Variants in CPQ observed in about 807,000 individuals in gnomAD.
CPQ encodes Ser-Met dipeptidase.
A neutral mutation model predicts 45.7 loss-of-function variants in CPQ; 37 were observed. The ratio of observed to expected loss-of-function variants is 0.81; its 90% CI spans 0.62 to 1.07. The LOEUF is 1.07. CPQ is among the 50% of genes least tolerant of loss of function. CPQ has a pLI of 0.00. For synonymous variants in CPQ, 186 were observed against 205.8 expected, an observed-to-expected ratio of 0.90 and a Z score of 0.82; for missense variants, 537 against 572.9, an observed-to-expected ratio of 0.94 and a Z score of 0.64.
intron 5 of CPQ, among the ~76,000 whole-genome samples, chr8:96,970,105 C>T (rs1300747284): frequency 6.6e-6 from 1 of 152,162 alleles, no homozygotes; most frequent in African/African-American, 2.4e-5. Flanking sequence ...AGGTTTTCTT[C>T]CCTAAGGCTC....
intron 5 of CPQ, among the ~76,000 whole-genome samples, chr8:96,970,734 T>A (rs1189833777): frequency 6.6e-6 from 1 of 152,104 alleles, no homozygotes; most frequent in African/African-American, 2.4e-5. Context: ...CGGCTAATTT[T>A]TTGTATTTTT....
rs36087951 is a variant in CPQ, at chr8:97,031,188, C to CTTT, written c.1053+1708_1053+1710dup. Among the ~76,000 whole-genome samples the CTTT allele has an allele frequency of 6.8e-4, 89 of 130,644 alleles. 1 individual carries two copies. Among genetic ancestry groups the CTTT allele is most frequent in the African/African-American group, 2.2e-3 (76 of 34,194 alleles). 85.7% of individuals were successfully genotyped at this position (130,644 alleles called of 152,430 possible). ...AAAAAGAATAGTTAAAAGAACTATT[C>CTTT]TTTTTTTTTTTTTTTTGAGATGGAG... On this transcript the variant is annotated intron_variant, in intron 6 of 7. Transcript: ENST00000220763.
intron 7 of CPQ, among the ~76,000 whole-genome samples, chr8:97,120,134 TTCCCCAAGAA>T (rs1360165627): frequency 1.3e-5 from 2 of 152,196 alleles, no homozygotes; most frequent in Non-Finnish European, 2.9e-5. Flanking sequence ...GACCTCCTTT[TTCCCCAAGAA>T]TCCCCTCAAA....
intron 1 of CPQ, among the ~76,000 whole-genome samples, chr8:96,757,405 T>C (rs2130789303): frequency 6.7e-6 from 1 of 148,828 alleles, no homozygotes; most frequent in East Asian, 1.9e-4. Context: ...TAATAATTTC[T>C]TATTAGTAAT....
chr8:97,114,264 TC>T (rs1468897429), intron 7 of CPQ, among the ~76,000 whole-genome samples: 1 of 152,232 alleles, frequency 6.6e-6, no homozygotes, highest in Non-Finnish European at 1.5e-5. Context: ...AGTGCAGGTT[TC>T]CTTTCTGGAA....
At chr8:97,113,724 C>G (rs1382262572) in intron 7 of CPQ, among the ~76,000 whole-genome samples, 1 of 152,188 alleles carries the variant, frequency 6.6e-6, no homozygotes, top group African/African-American at 2.4e-5. Flanking sequence ...CAACAAATGT[C>G]AGCTCTAATC....
At chr8:96,723,237 T>C (rs1314505965) in intron 1 of CPQ, among the ~76,000 whole-genome samples, 21 of 152,194 alleles carry the variant, frequency 1.4e-4, no homozygotes, top group Admixed American at 1.4e-3. Context: ...AAAAATTGGA[T>C]TTTATTTAAA....
At chr8:96,658,370 T>C (rs1288350265) in intron 1 of CPQ, among the ~76,000 whole-genome samples, 1 of 152,196 alleles carries the variant, frequency 6.6e-6, no homozygotes, top group East Asian at 1.9e-4. Flanking sequence ...AAATTTGAGG[T>C]CTACCACCAT....
At chr8:96,764,750 T>G (rs4145699) in intron 1 of CPQ, among the ~76,000 whole-genome samples, 3 of 151,930 alleles carry the variant, frequency 2.0e-5, no homozygotes, top group African/African-American at 7.3e-5. Flanking sequence ...TTAGGAAGTA[T>G]CTAATTCAGA....
At chr8:96,761,049 T>C (rs768726234) in intron 1 of CPQ, 4 of 152,282 alleles carry the variant, frequency 2.6e-5, no homozygotes, top group East Asian at 3.9e-4. Context: ...TGAAACTTCA[T>C]AGGGAATAAG....
chr8:97,083,738 C>T (rs1810996707), intron 7 of CPQ, among the ~76,000 whole-genome samples: 1 of 152,086 alleles, frequency 6.6e-6, no homozygotes, highest in African/African-American at 2.4e-5. Context: ...CACAGAATAG[C>T]ACTTGGACTG....
intron 6 of CPQ, among the ~76,000 whole-genome samples, chr8:97,037,170 C>T (rs1265290668): frequency 1.3e-5 from 2 of 152,224 alleles, no homozygotes; most frequent in African/African-American, 2.4e-5. Flanking sequence ...TCCCAACCTG[C>T]ATTAGGTTTC....
intron 7 of CPQ, among the ~76,000 whole-genome samples, chr8:97,135,429 T>C (rs1490523436): frequency 4.6e-5 from 7 of 152,208 alleles, no homozygotes; most frequent in Admixed American, 2.0e-4. Flanking sequence ...GGGATTAAAC[T>C]GCCCCCTTGA....
At chr8:97,126,625 T>C (rs1811851579) in intron 7 of CPQ, among the ~76,000 whole-genome samples, 1 of 152,074 alleles carries the variant, frequency 6.6e-6, no homozygotes, top group Non-Finnish European at 1.5e-5. Flanking sequence ...AACTAGCAAA[T>C]AATATTTTAA....
intron 4 of CPQ, among the ~76,000 whole-genome samples, chr8:96,939,398 C>T (rs982393111): frequency 6.6e-6 from 1 of 152,302 alleles, no homozygotes; most frequent in Admixed American, 6.5e-5. Context: ...AGTATGCTAG[C>T]TGGGGGTTGG....
chr8:96,741,389 C>G (rs1015364611), intron 1 of CPQ, among the ~76,000 whole-genome samples: 5 of 151,956 alleles, frequency 3.3e-5, no homozygotes, highest in Admixed American at 3.3e-4. Context: ...GTCTTGCTAG[C>G]GGTCTATCAA....
chr8:96,777,742 A>G (rs1257694498), intron 1 of CPQ, among the ~76,000 whole-genome samples: 13 of 11,116 alleles, frequency 1.2e-3, no homozygotes, highest in African/African-American at 4.0e-3. Flanking sequence ...ATATATATAT[A>G]TATATATATA....
At chr8:96,988,782 T>C (rs1809035815) in intron 5 of CPQ, among the ~76,000 whole-genome samples, 1 of 152,170 alleles carries the variant, frequency 6.6e-6, no homozygotes, top group Non-Finnish European at 1.5e-5. Flanking sequence ...CCCCCTTTAG[T>C]GAAGTATGAA....
chr8:97,040,915 T>C (rs1178359145), intron 6 of CPQ, among the ~76,000 whole-genome samples: 6 of 152,112 alleles, frequency 3.9e-5, no homozygotes, highest in South Asian at 2.1e-4. Context: ...AGTCAGGTAG[T>C]GTGATGCCTC....
Sources: allele counts gnomAD v4.1 joint callset (sites outside exome capture counted in the v4.1 genomes callset), GRCh38; gene constraint gnomAD v4.1.1; transcripts MANE v1.5; gene names NCBI Gene and HGNC (gene_info 2026-07-23, HGNC 2026-07-21).